CSMD1: variants seen among roughly 807,000 people sequenced by gnomAD.
The protein encoded by CSMD1 is CUB and sushi domain-containing protein 1.
In CSMD1, 213 loss-of-function variants were observed where a neutral mutation model predicts 417.5. The ratio of observed to expected loss-of-function variants is 0.51; its 90% confidence interval spans 0.46 to 0.57. The LOEUF (loss-of-function observed/expected upper bound fraction) is 0.57, where lower values mean the gene tolerates loss of function less well. CSMD1 is among the 20% of genes least tolerant of loss of function. The pLI is 0.00. For synonymous variants in CSMD1, 2,862 were observed against 1,736.8 expected (o/e 1.65, Z -16.11); for missense variants, 6,923 against 4,529.7 (o/e 1.53, Z -15.17).
chr8:4,860,710 C>G (rs750170170), intron 1 of CSMD1, among the ~76,000 whole-genome samples: 3 of 152,146 alleles, frequency 2.0e-5, no homozygotes, highest in South Asian at 2.1e-4. Flanking sequence ...GGAATAAAGA[C>G]AAATACATTT....
rs1554499186 is a variant in CSMD1 at position 4,841,930 on chromosome 8, A to AACAAAAAACAAAAC, written c.85+152401_85+152402insGTTTTGTTTTTTGT. On this transcript the variant is annotated intron_variant, in intron 1 of 69. Transcript: ENST00000635120. The stretch of plus-strand genomic sequence containing the variant: ...CCGTCTCAAAAAAAAAAAAAAAAAA[A>AACAAAAAACAAAAC]AAAAAAAAGTTCAGAACAATGGATA... 2.2e-3 allele frequency among the ~76,000 whole-genome samples: 267 copies of AACAAAAAACAAAAC among 122,484 alleles called. 12 individuals carry two copies. The highest frequency in any genetic ancestry group is 8.6e-3 in the African/African-American group (257 of 30,026). 80.4% of individuals were successfully genotyped at this position (122,484 alleles called of 152,430 possible).
intron 3 of CSMD1, among the ~76,000 whole-genome samples, chr8:4,309,327 A>C (rs1304202622): frequency 6.6e-6 from 1 of 152,168 alleles, no homozygotes; most frequent in Non-Finnish European, 1.5e-5. Flanking sequence ...ATTTTATAAA[A>C]TGAGATGAGA....
chr8:3,707,287 C>T (rs1288383666), intron 7 of CSMD1, among the ~76,000 whole-genome samples: 1 of 144,026 alleles, frequency 6.9e-6, no homozygotes, highest in Non-Finnish European at 1.5e-5. Context: ...GAAGTCTGCT[C>T]TAGCATGCAG....
At chr8:3,440,071 G>T (rs7834776) in intron 12 of CSMD1, among the ~76,000 whole-genome samples, 116,633 of 151,628 alleles carry the variant, frequency 0.77, 45,092 homozygotes, top group East Asian at 0.85. Context: ...ATAATATGCA[G>T]TGAAATTGGG....
chr8:4,089,184 C>A (rs551998073), intron 3 of CSMD1, among the ~76,000 whole-genome samples: 13 of 152,298 alleles, frequency 8.5e-5, no homozygotes, highest in African/African-American at 3.1e-4. Flanking sequence ...TGGTGACAAT[C>A]TGTTTGGCTG....
chr8:4,220,125 A>G, intron 3 of CSMD1, among the ~76,000 whole-genome samples: 1 of 151,802 alleles, frequency 6.6e-6, no homozygotes. Flanking sequence ...GATTTTTTGT[A>G]TTTTCAGTAG....
At chr8:4,457,430 A>G (rs1467629713) in intron 2 of CSMD1, among the ~76,000 whole-genome samples, 1 of 152,124 alleles carries the variant, frequency 6.6e-6, no homozygotes, top group Non-Finnish European at 1.5e-5. Context: ...AGTGACAGGG[A>G]AAAAACAAAC....
intron 49 of CSMD1, among the ~76,000 whole-genome samples, chr8:3,076,254 T>C (rs1022780646): frequency 1.0e-4 from 9 of 86,776 alleles, no homozygotes; most frequent in African/African-American, 4.8e-4. Flanking sequence ...GTAGACATCA[T>C]CTTCTTGCTG....
intron 1 of CSMD1, among the ~76,000 whole-genome samples, chr8:4,986,606 AT>A (rs1250827586): frequency 2.6e-5 from 4 of 152,174 alleles, no homozygotes; most frequent in Non-Finnish European, 4.4e-5. Context: ...AAGAAAAAAA[AT>A]AATTCACTCG....
At chr8:4,631,270 G>C (rs140200405) in intron 2 of CSMD1, among the ~76,000 whole-genome samples, 26 of 152,180 alleles carry the variant, frequency 1.7e-4, no homozygotes, top group Non-Finnish European at 3.1e-4. Flanking sequence ...GCTGAGGCAG[G>C]AGAATCGCTG....
intron 3 of CSMD1, among the ~76,000 whole-genome samples, chr8:4,288,411 T>G (rs1049901976): frequency 2.6e-5 from 4 of 152,172 alleles, no homozygotes; most frequent in South Asian, 2.1e-4. Flanking sequence ...ATCTCAGGCT[T>G]GTTCACACAA....
Position 4,928,613 on chromosome 8 carries a change from A to C in CSMD1, c.85+65719T>G, listed in dbSNP as rs973795573. 1.2e-3 allele frequency among the ~76,000 whole-genome samples: 184 copies of C among 152,176 alleles called. 7 individuals carry two copies. Among genetic ancestry groups the C allele is most frequent in the Non-Finnish European group, 1.1e-3 (74 of 68,032 alleles). On this transcript the variant is annotated intron_variant, in intron 1 of 69. Transcript: ENST00000635120. Reference sequence around the variant, plus strand: ...AAAGAGGCTATCCACAAACGCGCTGAGAAGTAACTGGCTCATAGTAAGGGG... The same window carrying C: ...AAAGAGGCTATCCACAAACGCGCTGCGAAGTAACTGGCTCATAGTAAGGGG...
intron 3 of CSMD1, among the ~76,000 whole-genome samples, chr8:4,237,809 G>A (rs1055147151): frequency 2.6e-5 from 4 of 152,064 alleles, no homozygotes; most frequent in African/African-American, 7.2e-5. Context: ...CACAGTACCT[G>A]GCCCAAAAAT....
chr8:4,888,250 G>C (rs868547828), intron 1 of CSMD1, among the ~76,000 whole-genome samples: 1 of 151,890 alleles, frequency 6.6e-6, no homozygotes, highest in Non-Finnish European at 1.5e-5. Flanking sequence ...TTTAGGAATC[G>C]ATAAGGAGTA....
At chr8:4,230,005 A>C (rs552432738) in intron 3 of CSMD1, among the ~76,000 whole-genome samples, 1 of 152,206 alleles carries the variant, frequency 6.6e-6, no homozygotes, top group African/African-American at 2.4e-5. Flanking sequence ...TAATAAATGC[A>C]TATGATTTTG....
chr8:4,353,882 A>T (rs1801243440), intron 3 of CSMD1, among the ~76,000 whole-genome samples: 1 of 152,190 alleles, frequency 6.6e-6, no homozygotes. Context: ...CAATAGTGCC[A>T]GGGAAAAGAG....
intron 7 of CSMD1, among the ~76,000 whole-genome samples, chr8:3,677,036 A>G (rs80150084): frequency 0.14 from 21,657 of 152,054 alleles, 1,717 homozygotes; most frequent in South Asian, 0.21. Context: ...AGAGCATTAG[A>G]ACAAATACCT....
intron 1 of CSMD1, among the ~76,000 whole-genome samples, chr8:4,819,107 A>G (rs1799373853): frequency 6.6e-6 from 1 of 152,234 alleles, no homozygotes; most frequent in East Asian, 1.9e-4. Flanking sequence ...CTGCTATTCT[A>G]TCGAAAAGCA....
intron 51 of CSMD1, among the ~76,000 whole-genome samples, chr8:3,021,522 T>A (rs73657536): frequency 6.8e-4 from 104 of 152,376 alleles, no homozygotes; most frequent in African/African-American, 2.4e-3. Context: ...GTTTGCCTTT[T>A]TTTCATTTCA....
Sources: allele counts gnomAD v4.1 joint callset (sites outside exome capture counted in the v4.1 genomes callset), GRCh38; gene constraint gnomAD v4.1.1; transcripts MANE v1.5; gene names NCBI Gene and HGNC (gene_info 2026-07-23, HGNC 2026-07-21).